The following RFX3 variants were observed in gnomAD, a reference collection of about 807,000 sequenced individuals.
The protein encoded by RFX3 is regulatory factor X3.
Under a neutral mutation model 98.6 loss-of-function variants are expected in RFX3, and 14 were observed. The observed-to-expected ratio is 0.14, with a 90% CI of 0.09 to 0.22. The LOEUF (loss-of-function observed/expected upper bound fraction) is 0.22. Among genes scored for constraint, RFX3 ranks in the 10% least tolerant of loss-of-function variants. The pLI is 1.00. For synonymous variants in RFX3, 383 were observed against 328.4 expected (o/e 1.17, Z -1.80); for missense variants, 639 against 926.9 (o/e 0.69, Z 4.03).
intron 4 of RFX3, among the ~76,000 whole-genome samples, 181 bp from the exon 5 acceptor site, chr9:3,301,801 T>C (rs72699041): frequency 0.093 from 14,074 of 151,864 alleles, 689 homozygotes; most frequent in Middle Eastern, 0.15. Flanking sequence ...AATAAAAATA[T>C]GCACACTAAT....
At chr9:3,234,092 C>T (rs964533732) in intron 15 of RFX3, among the ~76,000 whole-genome samples, 1 of 152,080 alleles carries the variant, frequency 6.6e-6, no homozygotes, top group African/African-American at 2.4e-5. Context: ...ATTTATATGT[C>T]CAAGTCTAAT....
At chr9:3,516,723 G>A (rs1000985523) in intron 1 of RFX3, among the ~76,000 whole-genome samples, 2 of 150,734 alleles carry the variant, frequency 1.3e-5, no homozygotes, top group Non-Finnish European at 2.9e-5. Context: ...GCTCGCTTTC[G>A]CACTCTCTCT....
intron 6 of RFX3, 135 bp from the exon 7 acceptor site, chr9:3,288,385 C>A: frequency 1.5e-6 from 1 of 668,856 alleles, no homozygotes. Context: ...TTATGATTAA[C>A]CTGTTCTGAA....
chr9:3,361,818 C>A (rs1053486754), intron 2 of RFX3, among the ~76,000 whole-genome samples: 1 of 151,868 alleles, frequency 6.6e-6, no homozygotes, highest in Non-Finnish European at 1.5e-5. Flanking sequence ...ATGGTGACAC[C>A]CACCTGTAGT....
In RFX3 at chr9:3,347,287, C is replaced by T. The variant is rs183344244; in HGVS notation, c.118-523G>A. 2.0e-3 allele frequency among the ~76,000 whole-genome samples: 305 copies of T among 151,512 alleles called. 2 individuals carry two copies. Among genetic ancestry groups the T allele is most frequent in the East Asian group, 0.01 (52 of 5,142 alleles). The stretch of plus-strand genomic sequence containing the variant: ...AGTGAGCCAAGATTGTGCCACTGCG[C>T]TCCAGCCTGGGTGACAGAGTGAGAT... On this transcript the variant is annotated intron_variant, in intron 2 of 16. Coordinates refer to ENST00000617270, the MANE Select transcript of RFX3 (RefSeq NM_001282116.2).
intron 1 of RFX3, among the ~76,000 whole-genome samples, chr9:3,457,704 T>C (rs1847320400): frequency 6.6e-6 from 1 of 152,198 alleles, no homozygotes; most frequent in Admixed American, 6.5e-5. Flanking sequence ...CCCAACCTTT[T>C]CTTACTTACG....
chr9:3,481,618 G>C (rs987164342), intron 1 of RFX3, among the ~76,000 whole-genome samples: 9 of 150,314 alleles, frequency 6.0e-5, no homozygotes, highest in African/African-American at 2.2e-4. Flanking sequence ...AAAACAAAAA[G>C]AATCATATTT....
intron 1 of RFX3, among the ~76,000 whole-genome samples, chr9:3,433,560 T>C (rs758392871): frequency 3.6e-4 from 55 of 152,346 alleles, no homozygotes; most frequent in Non-Finnish European, 7.2e-4. Flanking sequence ...AAGTTATAGC[T>C]AGCTTCTGAC....
At chr9:3,343,004 G>A (rs1355877091) in intron 3 of RFX3, among the ~76,000 whole-genome samples, 1 of 152,168 alleles carries the variant, frequency 6.6e-6, no homozygotes, top group Non-Finnish European at 1.5e-5. Context: ...TTGTTTAATT[G>A]AAATGTACAC....
At chr9:3,244,207 T>C (rs1379595560) in intron 15 of RFX3, among the ~76,000 whole-genome samples, 3 of 152,020 alleles carry the variant, frequency 2.0e-5, no homozygotes, top group African/African-American at 7.2e-5. Flanking sequence ...GGTTTCACCA[T>C]ATTGGTTAGG....
rs374059951 is a variant in RFX3, at chr9:3,294,650, T to A, written c.550-1392A>T. Among the ~76,000 whole-genome samples, 7 of 152,190 alleles carry A rather than the reference T, an allele frequency of 4.6e-5. No homozygotes were observed. In the East Asian group the frequency reaches 1.2e-3, roughly 25 times the overall value. On this transcript the variant is annotated intron_variant, in intron 5 of 16. Transcript: ENST00000617270. ...AAAAATATTTTCAGAATTACTGACT[T>A]TAGTCATGACAACTGAATTTCCAAA...
chr9:3,347,466 T>C (rs1009301270), intron 2 of RFX3, among the ~76,000 whole-genome samples: 1 of 152,126 alleles, frequency 6.6e-6, no homozygotes, highest in Non-Finnish European at 1.5e-5. Context: ...GTAATAACCC[T>C]ATGTACTTGT....
chr9:3,236,107 A>C lies in RFX3; in HGVS notation c.1969-7218T>G, dbSNP rs368339101. ...ATTTTGTTTATGTTCCTCACTAAGG[A>C]TAGGGTACAGTGGTATATAGGAATC... On this transcript the variant is annotated intron_variant, in intron 15 of 16. Coordinates refer to ENST00000617270, the MANE Select transcript of RFX3 (RefSeq NM_001282116.2). 9.2e-5 allele frequency among the ~76,000 whole-genome samples: 14 copies of C among 152,270 alleles called. 1 individual carries two copies. In the East Asian group the frequency reaches 2.7e-3, roughly 29 times the overall value.
chr9:3,292,727 A>G (rs1464246577), intron 6 of RFX3, among the ~76,000 whole-genome samples: 1 of 139,918 alleles, frequency 7.1e-6, no homozygotes, highest in African/African-American at 3.2e-5. Flanking sequence ...TCTTTCAATA[A>G]GAGAATACAT....
intron 7 of RFX3, among the ~76,000 whole-genome samples, chr9:3,280,659 T>C (rs180791786): frequency 2.6e-5 from 4 of 151,916 alleles, no homozygotes; most frequent in Admixed American, 2.0e-4. Context: ...AGATTATATA[T>C]CACTGCTTTT....
intron 1 of RFX3, among the ~76,000 whole-genome samples, chr9:3,493,770 G>C (rs1206919792): frequency 6.9e-6 from 1 of 144,808 alleles, no homozygotes; most frequent in African/African-American, 2.5e-5. Context: ...TATAAACTTA[G>C]TTAAGGTCCA....
chr9:3,446,508 G>C (rs921338253), intron 1 of RFX3, among the ~76,000 whole-genome samples: 7 of 151,858 alleles, frequency 4.6e-5, no homozygotes, highest in African/African-American at 1.7e-4. Context: ...TAACCTTTCT[G>C]TGACCTCCTC....
chr9:3,321,265 T>C (rs1026800812), intron 4 of RFX3, among the ~76,000 whole-genome samples: 4 of 152,172 alleles, frequency 2.6e-5, no homozygotes, highest in African/African-American at 9.7e-5. Context: ...GCATTTCATA[T>C]ACATAACAGT....
chr9:3,450,187 T>G (rs886487587), intron 1 of RFX3, among the ~76,000 whole-genome samples: 2 of 152,198 alleles, frequency 1.3e-5, no homozygotes, highest in Non-Finnish European at 2.9e-5. Flanking sequence ...AAGGTTGCAA[T>G]CACACACATA....
Sources: gnomAD v4.1 joint callset for allele counts (sites outside exome capture counted in the v4.1 genomes callset) on GRCh38, gnomAD v4.1.1 for gene constraint, MANE v1.5 for transcripts, NCBI Gene and HGNC (gene_info 2026-07-23, HGNC 2026-07-21) for gene names.